RNF121: variants seen among roughly 807,000 people sequenced by gnomAD.
The protein encoded by RNF121 is E3 ubiquitin ligase RNF121.
In RNF121, 21 loss-of-function variants were observed where a neutral mutation model predicts 46.5. The observed-to-expected ratio is 0.45, with a 90% CI of 0.32 to 0.65. RNF121 has a LOEUF of 0.65. Among genes scored for constraint, RNF121 ranks in the 30% least tolerant of loss-of-function variants. The pLI, the probability that RNF121 is intolerant of heterozygous loss-of-function variation, is 0.04. For synonymous variants in RNF121, 139 were observed against 144.7 expected (o/e 0.96, Z 0.28); for missense variants, 346 against 416.0 (o/e 0.83, Z 1.46).
intron 3 of RNF121, among the ~76,000 whole-genome samples, chr11:71,969,746 T>C (rs1237245270): frequency 6.6e-6 from 1 of 152,092 alleles, no homozygotes; most frequent in African/African-American, 2.4e-5. Context: ...AAATTTTTTT[T>C]CTAGAGATGA....
chr11:71,990,554 T>C (rs761715384), intron 5 of RNF121, 43 bp from the exon 6 acceptor site: 14 of 1,605,162 alleles, frequency 8.7e-6, no homozygotes, highest in South Asian at 2.2e-5. Flanking sequence ...ATAGAAGATA[T>C]GTCTCAGGGT....
chr11:71,934,254 G>C (rs1283625620), intron 1 of RNF121, among the ~76,000 whole-genome samples: 1 of 152,260 alleles, frequency 6.6e-6, no homozygotes, highest in Non-Finnish European at 1.5e-5. Flanking sequence ...TGGTGTGCCT[G>C]ATAATACCAA....
intron 4 of RNF121, among the ~76,000 whole-genome samples, chr11:71,985,238 T>C (rs901084217): frequency 2.0e-5 from 3 of 152,170 alleles, no homozygotes; most frequent in Non-Finnish European, 4.4e-5. Flanking sequence ...CAAAGCACTT[T>C]TGTGAACATC....
intron 3 of RNF121, among the ~76,000 whole-genome samples, chr11:71,963,709 G>A (rs1445925428): frequency 6.6e-6 from 1 of 152,188 alleles, no homozygotes; most frequent in African/African-American, 2.4e-5. Flanking sequence ...AAGAATCTAA[G>A]TTCATTCTTT....
chr11:71,964,378 G>A (rs908800024), intron 3 of RNF121, among the ~76,000 whole-genome samples: 1 of 152,032 alleles, frequency 6.6e-6, no homozygotes, highest in African/African-American at 2.4e-5. Flanking sequence ...GAATTTATTA[G>A]CTCTAATAGT....
intron 4 of RNF121, among the ~76,000 whole-genome samples, chr11:71,986,789 A>T: frequency 7.1e-6 from 1 of 140,770 alleles, no homozygotes; most frequent in East Asian, 2.1e-4. Flanking sequence ...AAAAAAAAAA[A>T]GAAAAAAAAT....
At chr11:71,970,495 T>C (rs1033170570) in intron 3 of RNF121, among the ~76,000 whole-genome samples, 1 of 152,090 alleles carries the variant, frequency 6.6e-6, no homozygotes, top group Non-Finnish European at 1.5e-5. Context: ...ACCCCATTTC[T>C]ACTAAAAATT....
Position 71,929,046 on chromosome 11 carries a change from G to C in RNF121, c.-16G>C. ...TGGCTCGCGCGGGGACTGCGGTGAG[G>C]GGGCGAGCCGTGAAGATGGCGGCAG... On this transcript the variant is annotated 5_prime_UTR_variant, in exon 1 of 9. Transcript: ENST00000361756. 1.3e-6 allele frequency: 2 copies of C among 1,551,056 alleles called. No individual in the cohort carries two copies. The highest frequency in any genetic ancestry group is 1.7e-6 in the Non-Finnish European group (2 of 1,146,984).
chr11:71,950,738 C>T (rs187531323), intron 1 of RNF121, among the ~76,000 whole-genome samples: 2 of 151,844 alleles, frequency 1.3e-5, no homozygotes, highest in East Asian at 2.0e-4. Context: ...CTGCAAGCTC[C>T]GCCCCCTGGG....
At chr11:71,968,483 AT>A (rs1356662917) in intron 3 of RNF121, among the ~76,000 whole-genome samples, 1 of 152,144 alleles carries the variant, frequency 6.6e-6, no homozygotes, top group Non-Finnish European at 1.5e-5. Flanking sequence ...GCCTAGGCAT[AT>A]TTTAGGTAAT....
chr11:71,992,620 G>A (rs1201337477), intron 6 of RNF121, among the ~76,000 whole-genome samples: 1 of 152,092 alleles, frequency 6.6e-6, no homozygotes, highest in Non-Finnish European at 1.5e-5. Flanking sequence ...GAAGTATTTT[G>A]GACTTAGATA....
Position 71,982,335 on chromosome 11 carries a change from CAA to C in RNF121, c.244-408_244-407del, listed in dbSNP as rs10635678. The stretch of plus-strand genomic sequence containing the variant: ...TGGGCAACAGAGCAAGACTCCATCT[CAA>C]AAAAAAAAAAAAAAAAAGGAATGTT... On this transcript the variant is annotated intron_variant, in intron 3 of 8. Coordinates refer to ENST00000361756, the MANE Select transcript of RNF121 (RefSeq NM_018320.5). Among the ~76,000 whole-genome samples the C allele has an allele frequency of 4.2e-3, 335 of 79,110 alleles. 1 individual carries two copies. In the Middle Eastern group the frequency reaches 0.046, roughly 11 times the overall value. The allele number at this position is 79,110 out of a possible 152,430, so 51.9% of individuals were successfully genotyped here. A position where few individuals can be genotyped will look rare whatever the true frequency, so the allele number is the denominator to read the frequency against.
chr11:71,994,624 C>G (rs1373308714), intron 6 of RNF121, 95 bp from the exon 7 acceptor site: 2 of 1,472,496 alleles, frequency 1.4e-6, no homozygotes, highest in East Asian at 2.3e-5. Flanking sequence ...GCCACTGTGC[C>G]TCTTCTCTAG....
At chr11:71,983,926 C>T (rs769606217) in intron 4 of RNF121, among the ~76,000 whole-genome samples, 4 of 152,212 alleles carry the variant, frequency 2.6e-5, no homozygotes, top group Non-Finnish European at 4.4e-5. Context: ...CTCTGGCCTT[C>T]TGGAGTTTCA....
At position 71,984,834 on chromosome 11, in the gene RNF121, G is replaced by A. The variant is rs147729700; in HGVS notation, c.398+1919G>A. On this transcript the variant is annotated intron_variant, in intron 4 of 8. Transcript: ENST00000361756. The stretch of plus-strand genomic sequence containing the variant: ...CAGGCTGACCTCAAGTGATCTGCCC[G>A]CCTCGGGCTCCCAAAGTGCTGGAAT... Among the ~76,000 whole-genome samples, 178 of 144,116 alleles carry A rather than the reference G, an allele frequency of 1.2e-3. 1 individual carries two copies. Among genetic ancestry groups the A allele is most frequent in the African/African-American group, 4.3e-3 (167 of 38,528 alleles). 94.5% of individuals were successfully genotyped at this position (144,116 alleles called of 152,430 possible).
At position 71,929,119 on chromosome 11, in the gene RNF121, G is replaced by A. The variant is rs1277049272; in HGVS notation, c.58G>A (p.Asp20Asn). ...GGGAAGEREL[D>N]EVDMSDLSPE... ...TGGTGCTGCTGGGGAACGGGAGCTG[G>A]ATGAGGTAAGCGGAGTTGAGAGACG... Residue 20 changes from aspartate (D) to asparagine (N), a missense_variant, in exon 1 of 9, where the codon GAT becomes AAT. Around this residue, in one of 2 missense-constraint regions of RNF121, gnomAD observed 60 missense variants for 32.2 expected, o/e 1.86. Coordinates refer to ENST00000361756, the MANE Select transcript of RNF121 (RefSeq NM_018320.5). 6.4e-7 allele frequency: 1 copy of A among 1,551,676 alleles called. No homozygotes were observed.
chr11:71,951,638 T>TA lies in RNF121; in HGVS notation c.64-5571dup, dbSNP rs780940688. Among the ~76,000 whole-genome samples, 542 of 115,984 alleles carry TA rather than the reference T, an allele frequency of 4.7e-3. 2 individuals carry two copies. Among genetic ancestry groups the TA allele is most frequent in the South Asian group, 0.01 (36 of 3,572 alleles). 76.1% of individuals were successfully genotyped at this position (115,984 alleles called of 152,430 possible). On this transcript the variant is annotated intron_variant, in intron 1 of 8. Transcript: ENST00000361756. ...GGCACTATAGCAAGACCCTGTCTCT[T>TA]AAAAAAAAAAAAAAAAAACCATGGA...
chr11:71,959,140 C>T (rs957714167), intron 2 of RNF121, among the ~76,000 whole-genome samples: 4 of 152,264 alleles, frequency 2.6e-5, no homozygotes, highest in Non-Finnish European at 5.9e-5. Flanking sequence ...ATCTAAGTTT[C>T]GAACTCCCAA....
intron 1 of RNF121, among the ~76,000 whole-genome samples, chr11:71,942,569 C>G (rs1257068418): frequency 6.6e-6 from 1 of 151,742 alleles, no homozygotes; most frequent in African/African-American, 2.4e-5. Context: ...TTGAGACTAG[C>G]CAGGCCAACA....
Sources: gnomAD v4.1 joint callset for allele counts (sites outside exome capture counted in the v4.1 genomes callset) on GRCh38, gnomAD v4.1.1 for gene constraint, gnomAD v4.1.1 regional missense constraint, MANE v1.5 for transcripts, NCBI Gene and HGNC (gene_info 2026-07-23, HGNC 2026-07-21) for gene names.